ARPP19: variants seen among roughly 807,000 people sequenced by gnomAD.
ARPP19 encodes cAMP regulated phosphoprotein 19, also known as cAMP-regulated phosphoprotein 19.
ARPP19 carries 8 observed loss-of-function variants against 12.0 expected under a neutral mutation model. The observed-to-expected ratio is 0.67, with a 90% CI of 0.39 to 1.21. The LOEUF is 1.21. Ranked by LOEUF, ARPP19 falls within the 50% of genes most tolerant of loss-of-function variation. ARPP19 has a pLI of 0.01. For synonymous variants in ARPP19, 47 were observed against 50.4 expected (o/e 0.93, Z 0.29); for missense variants, 102 against 136.3 (o/e 0.75, Z 1.25).
chr15:52,555,054 A>T (rs991621137), intron 2 of ARPP19, among the ~76,000 whole-genome samples: 4 of 151,954 alleles, frequency 2.6e-5, no homozygotes, highest in Admixed American at 2.0e-4. Context: ...CCAGAGTTTT[A>T]AAAAAAATCA....
intron 2 of ARPP19, among the ~76,000 whole-genome samples, chr15:52,555,780 A>G (rs538322877): frequency 1.2e-4 from 19 of 152,040 alleles, no homozygotes; most frequent in Non-Finnish European, 1.8e-4. Context: ...AGCAATAGGT[A>G]TTATTTTAAA....
rs746990467 is a variant in ARPP19 at position 52,568,817 on chromosome 15, AGGGCCCAGGGCTCACGCCCCGC to A, written c.45+9_45+30del. On this transcript the variant is annotated intron_variant, in intron 1 of 2. Coordinates refer to ENST00000249822, the MANE Select transcript of ARPP19 (RefSeq NM_006628.6). ...CCGCCCGCCAGACCCGGCCTTGGGC[AGGGCCCAGGGCTCACGCCCCGC>A]GCGCTCACCTTCTGCTCCTCCGCGG... The A allele has an allele frequency of 6.5e-7, 1 of 1,526,964 alleles. No homozygotes were observed. Among genetic ancestry groups the A allele is most frequent in the Middle Eastern group, 1.8e-4 (1 of 5,564 alleles). The allele number at this position is 1,526,964 out of a possible 1,614,324, so 94.6% of individuals were successfully genotyped here.
At chr15:52,553,926 T>C (rs774739202) in intron 2 of ARPP19, among the ~76,000 whole-genome samples, 1 of 152,254 alleles carries the variant, frequency 6.6e-6, no homozygotes, top group East Asian at 1.9e-4. Flanking sequence ...TTACTGTATA[T>C]GTACCATACG....
intron 1 of ARPP19, among the ~76,000 whole-genome samples, chr15:52,565,635 G>A (rs1365658579): frequency 6.6e-6 from 1 of 152,182 alleles, no homozygotes; most frequent in Non-Finnish European, 1.5e-5. Flanking sequence ...TTGTATCTAT[G>A]ACTCTGGAAA....
Position 52,568,837 on chromosome 15 carries a change from C to T in ARPP19, c.45+11G>A, listed in dbSNP as rs759462515. The T allele has an allele frequency of 2.5e-6, 4 of 1,568,692 alleles. No homozygotes were observed. Among genetic ancestry groups the T allele is most frequent in the Admixed American group, 1.9e-5 (1 of 53,564 alleles). On this transcript the variant is annotated intron_variant, in intron 1 of 2. Coordinates refer to ENST00000249822, the MANE Select transcript of ARPP19 (RefSeq NM_006628.6). The stretch of plus-strand genomic sequence containing the variant: ...TGGGCAGGGCCCAGGGCTCACGCCC[C>T]GCGCGCTCACCTTCTGCTCCTCCGC...
In ARPP19 at chr15:52,566,839, TTTC is replaced by T. The variant is rs1412013121; in HGVS notation, c.45+2006_45+2008del. On this transcript the variant is annotated intron_variant, in intron 1 of 2. Transcript: ENST00000249822. ...AATACAAGACAGGAATCTATCTGGT[TTTC>T]TTCTCTTACCAAGGGTGCACACACC... is the stretch of plus-strand genomic sequence containing the variant. 3.3e-5 allele frequency among the ~76,000 whole-genome samples: 5 copies of T among 152,344 alleles called. No individual in the cohort carries two copies. In the East Asian group the frequency reaches 9.6e-4, roughly 29 times the overall value.
intron 1 of ARPP19, among the ~76,000 whole-genome samples, chr15:52,559,711 G>A (rs2078014636): frequency 6.6e-6 from 1 of 152,178 alleles, no homozygotes; most frequent in Non-Finnish European, 1.5e-5. Flanking sequence ...ATGTAGGAAG[G>A]CGGGCTGAGT....
intron 1 of ARPP19, among the ~76,000 whole-genome samples, chr15:52,561,845 G>T (rs1450515320): frequency 6.6e-6 from 1 of 150,510 alleles, no homozygotes. Context: ...AAGGACATAG[G>T]TTGAAAGTAA....
chr15:52,567,145 G>A (rs1393202535), intron 1 of ARPP19, among the ~76,000 whole-genome samples: 1 of 152,168 alleles, frequency 6.6e-6, no homozygotes, highest in African/African-American at 2.4e-5. Flanking sequence ...CACCATCCAC[G>A]CCACAGGCAC....
Position 52,557,229 on chromosome 15 carries a change from T to C in ARPP19, c.46-7A>G. On this transcript the variant is annotated splice_polypyrimidine_tract_variant and splice_region_variant and intron_variant, in intron 1 of 2. Coordinates refer to ENST00000249822, the MANE Select transcript of ARPP19 (RefSeq NM_006628.6). ...TCACTTTATCTTCCATTTCCTAAAA[T>C]AATTTCAAATAAATTACTTCTCTAT... 1 of 1,577,742 alleles carries C rather than the reference T, an allele frequency of 6.3e-7. No individual in the cohort carries two copies. Among genetic ancestry groups the C allele is most frequent in the South Asian group, 1.1e-5 (1 of 87,854 alleles).
chr15:52,569,031 G>A (rs937557974), upstream of ARPP19: 136 of 637,290 alleles, frequency 2.1e-4, no homozygotes, highest in East Asian at 2.7e-4. Flanking sequence ...GCCTTATGAC[G>A]ACACGGAGCC....
chr15:52,561,859 G>C (rs2078035720), intron 1 of ARPP19, among the ~76,000 whole-genome samples: 1 of 148,914 alleles, frequency 6.7e-6, no homozygotes, highest in Admixed American at 6.7e-5. Context: ...AAAGTAAAAA[G>C]ACTGAGGGTG....
chr15:52,566,931 C>A (rs2078088455), intron 1 of ARPP19, among the ~76,000 whole-genome samples: 1 of 152,014 alleles, frequency 6.6e-6, no homozygotes, highest in Admixed American at 6.6e-5. Context: ...TACCTTAATT[C>A]TTTAGCGGCA....
intron 2 of ARPP19, among the ~76,000 whole-genome samples, chr15:52,553,802 A>G (rs1436566145): frequency 6.6e-6 from 1 of 152,210 alleles, no homozygotes; most frequent in African/African-American, 2.4e-5. Flanking sequence ...TTAGTATAAG[A>G]CTATTGAGTG....
At position 52,551,995 on chromosome 15, in the gene ARPP19, G is replaced by C. The variant is rs2077936559; in HGVS notation, c.278C>G (p.Pro93Arg). The C allele has an allele frequency of 6.2e-7, 1 of 1,612,598 alleles. No homozygotes were observed. Among genetic ancestry groups the C allele is most frequent in the Non-Finnish European group, 8.5e-7 (1 of 1,178,718 alleles). Reference protein sequence around the residue: ...DKTEVTGDHIPTPQDLPQRKP... With the variant: ...DKTEVTGDHIRTPQDLPQRKP... ...CCGTTGAGGAAGGTCTTGCGGAGTG[G>C]GAATGTGGTCACCAGTGACCTCCGT... Residue 93 changes from proline to arginine, a missense_variant, in exon 3 of 3, where the codon CCC becomes CGC. Pro to Arg is a moderately radical substitution (Grantham distance 103). Transcript: ENST00000249822.
At chr15:52,554,480 A>G (rs1253906128) in intron 2 of ARPP19, among the ~76,000 whole-genome samples, 2 of 152,184 alleles carry the variant, frequency 1.3e-5, no homozygotes. Flanking sequence ...GGATCCACAG[A>G]TAACAACGAT....
At chr15:52,553,834 G>T (rs1408134382) in intron 2 of ARPP19, among the ~76,000 whole-genome samples, 3 of 152,170 alleles carry the variant, frequency 2.0e-5, no homozygotes, top group African/African-American at 7.2e-5. Context: ...AAGTCTCATT[G>T]GCTGCTTTCC....
chr15:52,558,635 G>A (rs2078004868), intron 1 of ARPP19, among the ~76,000 whole-genome samples: 1 of 151,824 alleles, frequency 6.6e-6, no homozygotes, highest in African/African-American at 2.4e-5. Context: ...AGGTTACTTA[G>A]GAATAGTCAA....
chr15:52,560,985 C>T (rs2078027169), intron 1 of ARPP19, among the ~76,000 whole-genome samples: 1 of 152,244 alleles, frequency 6.6e-6, no homozygotes, highest in African/African-American at 2.4e-5. Flanking sequence ...ACACCATCTT[C>T]CTCCCTTTTG....
Sources: gnomAD v4.1 joint callset for allele counts (sites outside exome capture counted in the v4.1 genomes callset) on GRCh38, gnomAD v4.1.1 for gene constraint, MANE v1.5 for transcripts, NCBI Gene and HGNC (gene_info 2026-07-23, HGNC 2026-07-21) for gene names.